The following BEND3 variants were observed in gnomAD, a reference collection of about 807,000 sequenced individuals.
BEND3 encodes BEN domain-containing protein 3.
A neutral mutation model predicts 60.1 loss-of-function variants in BEND3; 13 were observed. The ratio of observed to expected loss-of-function variants is 0.22; its 90% CI spans 0.14 to 0.34. The LOEUF (loss-of-function observed/expected upper bound fraction) is 0.34, where lower values mean the gene tolerates loss of function less well. Ranked by LOEUF, BEND3 falls within the 10% of genes least tolerant of loss-of-function variation. BEND3 has a pLI of 1.00. For missense variants in BEND3, 896 were observed against 1,138.1 expected, an observed-to-expected ratio of 0.79 and a Z score of 3.06; for synonymous variants, 497 against 491.5, an observed-to-expected ratio of 1.01 and a Z score of -0.15.
intron 3 of BEND3, among the ~76,000 whole-genome samples, chr6:107,086,751 G>A (rs1442306625): frequency 6.6e-6 from 1 of 151,294 alleles, no homozygotes; most frequent in Non-Finnish European, 1.5e-5. Context: ...AACTGGCTGG[G>A]CACAGTGGCT....
chr6:107,101,948 C>G (rs1775709893), intron 1 of BEND3, among the ~76,000 whole-genome samples: 1 of 152,088 alleles, frequency 6.6e-6, no homozygotes, highest in Non-Finnish European at 1.5e-5. Flanking sequence ...CTGTCAGAGG[C>G]GGACATACTT....
intron 3 of BEND3, among the ~76,000 whole-genome samples, chr6:107,093,325 GTGGTGGGTGCCTGTA>G (rs1775515119): frequency 6.6e-6 from 1 of 152,154 alleles, no homozygotes; most frequent in Non-Finnish European, 1.5e-5. Flanking sequence ...GCCGGGCGTG[GTGGTGGGTGCCTGTA>G]GTCCCAGCTA....
intron 3 of BEND3, among the ~76,000 whole-genome samples, chr6:107,077,984 G>A (rs1246636085): frequency 6.6e-5 from 10 of 152,046 alleles, no homozygotes; most frequent in African/African-American, 1.4e-4. Context: ...CCTGGCATAC[G>A]GCTCTTGAAC....
At position 107,110,831 on chromosome 6, in the gene BEND3, A is replaced by G. The variant is rs548767137; in HGVS notation, c.-12+4259T>C. On this transcript the variant is annotated intron_variant, in intron 1 of 3. Transcript: ENST00000369042. The stretch of plus-strand genomic sequence containing the variant: ...CGGCCTCCCAAAATGCTGGGACTAC[A>G]GGTGTGAGCCACTGCACCCAGTCAT... 7.9e-5 allele frequency among the ~76,000 whole-genome samples: 12 copies of G among 151,836 alleles called. No individual in the cohort carries two copies. The South Asian group carries it at 2.5e-3, about 32-fold the overall frequency.
At position 107,070,662 on chromosome 6, in the gene BEND3, G is replaced by A. The variant is rs950046447; in HGVS notation, c.529C>T (p.Arg177Trp). Residue 177 changes from arginine (R) to tryptophan (W), a missense_variant, in exon 4 of 4, where the codon CGG (arginine) becomes TGG (tryptophan). By Grantham distance (101) the Arg-to-Trp change is moderately radical. Transcript: ENST00000369042. This position sits in a 1 kb window ranked among gnomAD's most constrained non-coding sequence, Gnocchi z 6.9. ...CCTGCCCCGGTGCTGCCACAGTCCC[G>A]CTTCTGTGGCTCATTCAGGAGCCGC... is the stretch of plus-strand genomic sequence containing the variant. ...SLRLLNEPQK[R>W]DCGSTGAGTD... 2.0e-5 allele frequency: 33 copies of A among 1,612,542 alleles called. No homozygotes were observed. The highest frequency in any genetic ancestry group is 3.3e-5 in the South Asian group (3 of 91,028).
At chr6:107,107,949 G>T (rs1453762663) in intron 1 of BEND3, among the ~76,000 whole-genome samples, 1 of 152,204 alleles carries the variant, frequency 6.6e-6, no homozygotes, top group African/African-American at 2.4e-5. Flanking sequence ...CTGGTGCCGC[G>T]GGTCTCTGGG....
At chr6:107,092,198 A>C (rs564337128) in intron 3 of BEND3, among the ~76,000 whole-genome samples, 2 of 151,462 alleles carry the variant, frequency 1.3e-5, no homozygotes, top group East Asian at 3.9e-4. Flanking sequence ...CGGAGCTTGC[A>C]GTAAGCCGAG....
chr6:107,099,322 G>GTC, intron 1 of BEND3, 26 bp from the exon 2 acceptor site: 1 of 1,581,642 alleles, frequency 6.3e-7, no homozygotes, highest in Non-Finnish European at 8.7e-7. Context: ...AAGACAATGT[G>GTC]TTGACTTATT....
intron 1 of BEND3, among the ~76,000 whole-genome samples, chr6:107,105,356 G>A (rs1374369833): frequency 1.4e-5 from 2 of 140,858 alleles, no homozygotes; most frequent in African/African-American, 5.3e-5. Context: ...GGGAGACAGA[G>A]AAAGACTCTG....
chr6:107,081,346 G>A (rs1399127088), intron 3 of BEND3, among the ~76,000 whole-genome samples: 2 of 151,152 alleles, frequency 1.3e-5, no homozygotes, highest in Non-Finnish European at 2.9e-5. Flanking sequence ...TTAGCCTTCC[G>A]AGTAACTGGG....
In BEND3 at chr6:107,070,728, G is replaced by A. The variant is rs376813760; in HGVS notation, c.463C>T (p.Leu155Phe). 7 of 1,613,790 alleles carry A rather than the reference G, an allele frequency of 4.3e-6. No homozygotes were observed. The East Asian group carries it at 6.7e-5, about 15-fold the overall frequency. ...PSGDLLNVYE[L>F]FEKANASNSP... ...TTGCTGGCGTTTGCCTTCTCAAAGA[G>A]CTCGTACACGTTTAGCAGGTCCCCC... The change falls in exon 4 of 4, where the codon CTC (leucine) becomes TTC (phenylalanine). Residue 155 changes from leucine (L) to phenylalanine (F), a missense_variant. Transcript: ENST00000369042. This position sits in a 1 kb window ranked among gnomAD's most constrained non-coding sequence, Gnocchi z 6.9.
intron 3 of BEND3, among the ~76,000 whole-genome samples, chr6:107,082,590 A>G (rs879975618): frequency 1.1e-4 from 16 of 151,946 alleles, no homozygotes; most frequent in Non-Finnish European, 1.9e-4. Context: ...ACACGCCACC[A>G]CACCGGGCTA....
chr6:107,101,201 C>CA (rs1244520072), intron 1 of BEND3, among the ~76,000 whole-genome samples: 9 of 148,720 alleles, frequency 6.1e-5, no homozygotes, highest in Admixed American at 2.7e-4. Flanking sequence ...GACTCTGTCT[C>CA]AAAAAAAAAG....
chr6:107,108,002 C>G (rs1251997418), intron 1 of BEND3, among the ~76,000 whole-genome samples: 2 of 152,180 alleles, frequency 1.3e-5, no homozygotes, highest in East Asian at 1.9e-4. Context: ...CAGGACCCAG[C>G]CCCCTTGGCA....
chr6:107,076,727 C>A (rs187448389), intron 3 of BEND3, among the ~76,000 whole-genome samples: 4 of 152,280 alleles, frequency 2.6e-5, no homozygotes, highest in African/African-American at 9.6e-5. Flanking sequence ...AGCAGAGAGG[C>A]CATGTGAAAC....
chr6:107,115,185 C>G lies in BEND3; in HGVS notation c.-107G>C, dbSNP rs1770240220. The G allele has an allele frequency of 6.7e-6, 1 of 149,648 alleles. No homozygotes were observed. The allele number at this position is 149,648 out of a possible 1,614,324, so 9.3% of individuals were successfully genotyped here. On this transcript the variant is annotated 5_prime_UTR_variant, in exon 1 of 4. Transcript: ENST00000369042. ...GCGGGGCCGGGGAGTGGGGGCCGCG[C>G]GCGGAGGGCCTGGCCAGGGCGGCCC... is the stretch of plus-strand genomic sequence containing the variant.
chr6:107,111,512 GA>G (rs66605251), intron 1 of BEND3, among the ~76,000 whole-genome samples: 140,802 of 149,878 alleles, frequency 0.94, 66,743 homozygotes, highest in East Asian at 1. Context: ...CTGCATCTCA[GA>G]AAAAAAAAAA....
intron 3 of BEND3, among the ~76,000 whole-genome samples, chr6:107,085,639 C>T (rs1775329690): frequency 6.6e-6 from 1 of 151,782 alleles, no homozygotes; most frequent in African/African-American, 2.4e-5. Context: ...CTACAGGCGC[C>T]TGCCACCACG....
At chr6:107,107,384 G>A (rs1178130825) in intron 1 of BEND3, among the ~76,000 whole-genome samples, 1 of 151,284 alleles carries the variant, frequency 6.6e-6, no homozygotes, top group Non-Finnish European at 1.5e-5. Flanking sequence ...AGGAGAAAGT[G>A]TCTGACACAT....
Sources: gnomAD v4.1 joint callset for allele counts (sites outside exome capture counted in the v4.1 genomes callset) on GRCh38, gnomAD v4.1.1 for gene constraint, Gnocchi (gnomAD v3.1) non-coding constraint, MANE v1.5 for transcripts, NCBI Gene and HGNC (gene_info 2026-07-23, HGNC 2026-07-21) for gene names.